Variants in ACRV1 observed in about 807,000 individuals in gnomAD.
The protein encoded by ACRV1 is acrosomal protein SP-10.
ACRV1 carries 17 observed loss-of-function variants against 29.2 expected under a neutral mutation model. The observed-to-expected ratio is 0.58, with a 90% CI of 0.40 to 0.87. The LOEUF is 0.87. Ranked by LOEUF, ACRV1 falls within the 40% of genes least tolerant of loss-of-function variation. ACRV1 has a pLI of 0.00. For synonymous variants in ACRV1, 98 were observed against 111.6 expected, an observed-to-expected ratio of 0.88 and a Z score of 0.77; for missense variants, 294 against 316.0, an observed-to-expected ratio of 0.93 and a Z score of 0.53.
intron 1 of ACRV1, among the ~76,000 whole-genome samples, chr11:125,680,465 C>T (rs147364279): frequency 6.6e-6 from 1 of 152,298 alleles, no homozygotes; most frequent in East Asian, 1.9e-4. Flanking sequence ...TTTTTCATCT[C>T]ATGCAGCATC....
intron 3 of ACRV1, among the ~76,000 whole-genome samples, chr11:125,673,564 T>C (rs886550131): frequency 6.6e-6 from 1 of 152,086 alleles, no homozygotes; most frequent in Non-Finnish European, 1.5e-5. Flanking sequence ...GCTCATCTAC[T>C]CCTCTGGATC....
At chr11:125,676,148 T>C (rs2076511346) in intron 3 of ACRV1, 4 of 513,694 alleles carry the variant, frequency 7.8e-6, no homozygotes, top group Admixed American at 6.5e-5. Flanking sequence ...CCTCAAGTGA[T>C]CCACCTGCCT....
At chr11:125,676,576 A>G in intron 2 of ACRV1, 98 bp from the exon 3 acceptor site, 1 of 1,421,640 alleles carries the variant, frequency 7.0e-7, no homozygotes, top group Non-Finnish European at 9.8e-7. Flanking sequence ...GGTAGCATGG[A>G]TACTACACAT....
intron 1 of ACRV1, among the ~76,000 whole-genome samples, chr11:125,680,258 T>C (rs575550155): frequency 6.6e-6 from 1 of 152,304 alleles, no homozygotes; most frequent in South Asian, 2.1e-4. Context: ...GAAAACCTGA[T>C]TGATATAACA....
rs759259941 is a variant in ACRV1 at position 125,677,896 on chromosome 11, C to G, written c.454G>C (p.Glu152Gln). Residue 152 changes from glutamate to glutamine, a missense_variant, in exon 2 of 4, where the codon GAA becomes CAA. Transcript: ENST00000533904. ...GAGGCCTGCTCACCAGAAGGCTGTT[C>G]ACCGGAGCCATGTTCACCTGAAGGC... ...EQPSGEHGSG[E>Q]QPSGEQASGE... is the part of the protein sequence containing the mutation. The G allele has an allele frequency of 5.5e-5, 88 of 1,614,014 alleles. No homozygotes were observed. In the Middle Eastern group the frequency reaches 8.2e-4, roughly 15 times the overall value.
rs543704106 is a variant in ACRV1 at position 125,672,120 on chromosome 11, G to C, written c.*473C>G. ...AAGAGTGTGTAGGGATGGAAAAGGG[G>C]GGGTGTCAGAAGTACCTGCACGTTT... On this transcript the variant is annotated 3_prime_UTR_variant, in exon 4 of 4. Transcript: ENST00000533904. The C allele has an allele frequency of 2.6e-5, 4 of 152,740 alleles. No homozygotes were observed. The highest frequency in any genetic ancestry group is 5.8e-5 in the Non-Finnish European group (4 of 68,500). 9.5% of individuals were successfully genotyped at this position (152,740 alleles called of 1,614,324 possible).
rs1275405540 is a variant in ACRV1, at chr11:125,680,822, T to C, written c.-42A>G. ...AGGGGACCCCAGTGTGGGCCACAGCTTCTTCACAGAGCTATGAAGCAAACT... is the reference window on the plus strand; with the variant it reads ...AGGGGACCCCAGTGTGGGCCACAGCCTCTTCACAGAGCTATGAAGCAAACT... On this transcript the variant is annotated 5_prime_UTR_variant, in exon 1 of 4. Coordinates refer to ENST00000533904, the MANE Select transcript of ACRV1 (RefSeq NM_001612.6). 6.4e-7 allele frequency: 1 copy of C among 1,551,874 alleles called. No individual in the cohort carries two copies. The highest frequency in any genetic ancestry group is 1.1e-5 in the South Asian group (1 of 89,292).
intron 3 of ACRV1, 22 bp from the exon 4 acceptor site, chr11:125,672,739 T>G: frequency 6.2e-7 from 1 of 1,613,106 alleles, no homozygotes; most frequent in Non-Finnish European, 8.5e-7. Flanking sequence ...AGAGACAGAC[T>G]AGTGAGCAGA....
chr11:125,679,228 T>TTTTTTTTTTTTTTG (rs1454887323), intron 1 of ACRV1, among the ~76,000 whole-genome samples: 1 of 145,560 alleles, frequency 6.9e-6, no homozygotes, highest in South Asian at 2.2e-4. Context: ...TTTTTTTTTT[T>TTTTTTTTTTTTTTG]TGTTTCAAAG....
Position 125,680,757 on chromosome 11 carries a change from C to A in ACRV1, c.24G>T (p.Met8Ile). 2 of 1,613,760 alleles carry A rather than the reference C, an allele frequency of 1.2e-6. No individual in the cohort carries two copies. The highest frequency in any genetic ancestry group is 2.2e-5 in the South Asian group (2 of 91,048). Reference protein sequence around the residue: MNRFLLLMSLYLLGSARG... With the variant: MNRFLLLISLYLLGSARG... ...TGGCAGATCCAAGCAGATAAAGACT[C>A]ATTAGCAAGAGAAACCTGTTCATCT... The change falls in exon 1 of 4, where the codon ATG becomes ATT. Residue 8 changes from methionine to isoleucine, a missense_variant. Physicochemically the swap from Met to Ile is conservative, Grantham distance 10 (BLOSUM62 1). Transcript: ENST00000533904.
chr11:125,675,379 T>G (rs1251655939), intron 3 of ACRV1, among the ~76,000 whole-genome samples: 2 of 152,234 alleles, frequency 1.3e-5, no homozygotes, highest in African/African-American at 4.8e-5. Context: ...CATAATCTCT[T>G]TGTACACAGT....
rs1342578932 is a variant in ACRV1 at position 125,677,959 on chromosome 11, T to C, written c.391A>G (p.Ser131Gly). 15 of 1,612,070 alleles carry C rather than the reference T, an allele frequency of 9.3e-6. No homozygotes were observed. The highest frequency in any genetic ancestry group is 1.1e-5 in the Non-Finnish European group (13 of 1,178,648). Residue 131 changes from serine to glycine, a missense_variant, in exon 2 of 4, where the codon AGT becomes GGT. By Grantham distance (56) the Ser-to-Gly change is moderately conservative. Transcript: ENST00000533904. ...GGCTGTTCACCTGACTCAAGCTCAC[T>C]CAAAGGCTGTTCTCCGGAGAGGTGT... ...GEHLSGEQPL[S>G]ELESGEQPSD...
intron 1 of ACRV1, among the ~76,000 whole-genome samples, 188 bp from the exon 2 acceptor site, chr11:125,678,485 T>C (rs1429649483): frequency 2.0e-5 from 3 of 152,154 alleles, no homozygotes; most frequent in Non-Finnish European, 4.4e-5. Flanking sequence ...AGGACAGAAG[T>C]GTTTAGTGAA....
intron 2 of ACRV1, 36 bp from the exon 3 acceptor site, chr11:125,676,514 G>T: frequency 6.2e-7 from 1 of 1,613,228 alleles, no homozygotes; most frequent in Non-Finnish European, 8.5e-7. Flanking sequence ...ACATTTCCTT[G>T]TGGACCAGAT....
chr11:125,674,393 A>G (rs1233806334), intron 3 of ACRV1, among the ~76,000 whole-genome samples: 1 of 152,204 alleles, frequency 6.6e-6, no homozygotes, highest in Non-Finnish European at 1.5e-5. Flanking sequence ...AATTGTTAGC[A>G]TTTCGATTAG....
rs747327464 is a variant in ACRV1, at chr11:125,677,837, C to A, written c.513G>T (p.Gly171=). ...GEQPSGEHAS[G]EQASGAPISS... is the part of the protein sequence containing the mutation. ...AAATTGGTGCACCTGAAGCCTGTTC[C>A]CCTGAAGCGTGCTCACCTGAAGGCT... The change falls in exon 2 of 4, where the codon GGG becomes GGT. Residue 171 remains glycine (G), a synonymous_variant. Coordinates refer to ENST00000533904, the MANE Select transcript of ACRV1 (RefSeq NM_001612.6). 2 of 1,614,126 alleles carry A rather than the reference C, an allele frequency of 1.2e-6. No individual in the cohort carries two copies. The highest frequency in any genetic ancestry group is 1.1e-5 in the South Asian group (1 of 91,072).
At chr11:125,677,428 A>C (rs888371781) in intron 2 of ACRV1, among the ~76,000 whole-genome samples, 4 of 152,216 alleles carry the variant, frequency 2.6e-5, no homozygotes, top group Admixed American at 6.5e-5. Flanking sequence ...AACATGGTTT[A>C]AGAGGCAGGG....
chr11:125,672,857 C>G, intron 3 of ACRV1, 140 bp from the exon 4 acceptor site: 1 of 1,129,536 alleles, frequency 8.9e-7, no homozygotes, highest in Non-Finnish European at 1.2e-6. Flanking sequence ...CTTCTATTTG[C>G]TTCCTCTGGG....
At chr11:125,676,784 G>C (rs112338776) in intron 2 of ACRV1, among the ~76,000 whole-genome samples, 1 of 152,266 alleles carries the variant, frequency 6.6e-6, no homozygotes, top group African/African-American at 2.4e-5. Context: ...TCATGTGACA[G>C]CATAGGAGCA....
Sources: gnomAD v4.1 joint callset for allele counts (sites outside exome capture counted in the v4.1 genomes callset) on GRCh38, gnomAD v4.1.1 for gene constraint, MANE v1.5 for transcripts, NCBI Gene and HGNC (gene_info 2026-07-23, HGNC 2026-07-21) for gene names.